Variants in PCNX2 observed in about 807,000 individuals in gnomAD.
The protein encoded by PCNX2 is pecanex 2.
PCNX2 carries 168 observed loss-of-function variants against 223.8 expected under a neutral mutation model. The observed-to-expected ratio is 0.75, with a 90% CI of 0.66 to 0.85. The LOEUF is 0.85. Among genes scored for constraint, PCNX2 ranks in the 40% least tolerant of loss-of-function variants. The pLI, the probability that PCNX2 is intolerant of heterozygous loss-of-function variation, is 0.00. For missense variants in PCNX2, 2,507 were observed against 2,675.5 expected, an observed-to-expected ratio of 0.94 and a Z score of 1.39; for synonymous variants, 1,006 against 1,052.6, an observed-to-expected ratio of 0.96 and a Z score of 0.86.
At chr1:233,203,851 T>C (rs1013811710) in intron 13 of PCNX2, among the ~76,000 whole-genome samples, 9 of 152,056 alleles carry the variant, frequency 5.9e-5, no homozygotes, top group Non-Finnish European at 1.2e-4. Context: ...AACCCATACA[T>C]CACCAACAAG....
intron 15 of PCNX2, among the ~76,000 whole-genome samples, chr1:233,191,431 T>C (rs1361093189): frequency 1.3e-5 from 2 of 152,060 alleles, no homozygotes; most frequent in Non-Finnish European, 2.9e-5. Context: ...CCACAAAGGG[T>C]AAAGTGTGGG....
At chr1:233,206,884 G>A (rs1681500449) in intron 13 of PCNX2, among the ~76,000 whole-genome samples, 1 of 152,058 alleles carries the variant, frequency 6.6e-6, no homozygotes, top group Admixed American at 6.6e-5. Context: ...GGTGGCACAT[G>A]CCTGTAATCC....
chr1:233,042,572 T>C (rs145814495), intron 25 of PCNX2, among the ~76,000 whole-genome samples: 11 of 152,352 alleles, frequency 7.2e-5, no homozygotes, highest in African/African-American at 2.6e-4. Context: ...GAGGGAATTA[T>C]CTTCACACTG....
chr1:233,174,327 G>T (rs931484631), intron 17 of PCNX2, among the ~76,000 whole-genome samples: 5 of 145,662 alleles, frequency 3.4e-5, no homozygotes, highest in South Asian at 2.1e-4. Flanking sequence ...ATTGAATATT[G>T]TTTTAGAAGT....
At chr1:233,204,648 A>G (rs1244509756) in intron 13 of PCNX2, among the ~76,000 whole-genome samples, 5 of 152,228 alleles carry the variant, frequency 3.3e-5, no homozygotes, top group Non-Finnish European at 7.3e-5. Context: ...GTAAGCCACT[A>G]TCTCTTTCCT....
At chr1:233,283,147 G>A (rs895329043) in intron 1 of PCNX2, among the ~76,000 whole-genome samples, 3 of 152,074 alleles carry the variant, frequency 2.0e-5, no homozygotes, top group Non-Finnish European at 2.9e-5. Context: ...TGATATTGTT[G>A]TGAGCTAGAG....
chr1:233,135,257 C>T, intron 20 of PCNX2, 67 bp from the exon 21 acceptor site: 1 of 1,445,584 alleles, frequency 6.9e-7, no homozygotes, highest in East Asian at 2.4e-5. Flanking sequence ...GTTTCATTCG[C>T]TAACAATTCT....
In PCNX2 at chr1:233,295,411, T is replaced by C. The variant is rs1459728102; in HGVS notation, c.68A>G (p.His23Arg). The C allele has an allele frequency of 1.3e-6, 2 of 1,552,970 alleles. No individual in the cohort carries two copies. Among genetic ancestry groups the C allele is most frequent in the Non-Finnish European group, 1.7e-6 (2 of 1,147,896 alleles). Residue 23 changes from histidine to arginine, a missense_variant, in exon 1 of 34, where the codon CAC becomes CGC. His to Arg is a conservative substitution (Grantham distance 29). Around this residue, in one of 3 missense-constraint regions of PCNX2, gnomAD observed 1,031 missense variants for 1,021.7 expected, o/e 1.01. Transcript: ENST00000258229. The surrounding 1 kb of genome is among the most constrained non-coding windows in gnomAD (Gnocchi z 4.1). ...GGTGAACTTGCTCTGCTCCGGGTCGTGGTACCAGCCCCCGGTGAGCGCGGC... is the reference window on the plus strand; with the variant it reads ...GGTGAACTTGCTCTGCTCCGGGTCGCGGTACCAGCCCCCGGTGAGCGCGGC... ...VWAALTGGWY[H>R]DPEQSKFTNS...
Position 233,295,657 on chromosome 1 carries a change from C to G in PCNX2, c.-179G>C. The G allele has an allele frequency of 9.0e-6, 6 of 665,636 alleles. No individual in the cohort carries two copies. The highest frequency in any genetic ancestry group is 1.3e-5 in the Non-Finnish European group (6 of 472,488). The allele number at this position is 665,636 out of a possible 1,614,324, so 41.2% of individuals were successfully genotyped here. On this transcript the variant is annotated 5_prime_UTR_variant, in exon 1 of 34. Coordinates refer to ENST00000258229, the MANE Select transcript of PCNX2 (RefSeq NM_014801.4). The surrounding 1 kb of genome is among the most constrained non-coding windows in gnomAD (Gnocchi z 4.1). The stretch of plus-strand genomic sequence containing the variant: ...TTGAAGCTGGAGCTGCTCTTCCGCC[C>G]GGACCCGCGAACCGCGGCGCCGGAG...
At chr1:233,065,277 C>A (rs1672553323) in intron 23 of PCNX2, among the ~76,000 whole-genome samples, 1 of 152,212 alleles carries the variant, frequency 6.6e-6, no homozygotes, top group Admixed American at 6.5e-5. Flanking sequence ...TGAGGCAATT[C>A]TCTTACCTCC....
chr1:233,179,718 C>T (rs1007404362), intron 15 of PCNX2, among the ~76,000 whole-genome samples: 1 of 152,216 alleles, frequency 6.6e-6, no homozygotes, highest in Non-Finnish European at 1.5e-5. Context: ...AGCCTCCTAT[C>T]AACTATCAGT....
intron 21 of PCNX2, among the ~76,000 whole-genome samples, chr1:233,129,101 C>T (rs2102751897): frequency 6.6e-6 from 1 of 152,354 alleles, no homozygotes; most frequent in African/African-American, 2.4e-5. Flanking sequence ...CCGGCTCCCT[C>T]AGCTTGCCAG....
intron 23 of PCNX2, among the ~76,000 whole-genome samples, chr1:233,062,851 GAACAACTTTGTGCCAATAAATTTGAA>G (rs777522928): frequency 3.8e-4 from 58 of 152,170 alleles, no homozygotes; most frequent in Non-Finnish European, 7.9e-4. Context: ...GCAATACTAT[GAACAACTTTGTGCCAATAAATTTGAA>G]AACATAAATG....
intron 22 of PCNX2, among the ~76,000 whole-genome samples, chr1:233,090,775 AG>A: frequency 6.6e-6 from 1 of 152,308 alleles, no homozygotes; most frequent in East Asian, 1.9e-4. Flanking sequence ...ATGCACATGA[AG>A]TAAGTGTTTT....
upstream of PCNX2, among the ~76,000 whole-genome samples, chr1:233,300,645 T>A (rs1308211011): frequency 6.6e-6 from 1 of 152,196 alleles, no homozygotes; most frequent in Non-Finnish European, 1.5e-5. Flanking sequence ...AAGGTCTCCT[T>A]CAGTACATCC....
intron 19 of PCNX2, among the ~76,000 whole-genome samples, chr1:233,143,588 T>C (rs1382137372): frequency 6.6e-6 from 1 of 152,166 alleles, no homozygotes; most frequent in Non-Finnish European, 1.5e-5. Context: ...ATCTGTGTTT[T>C]GACGAGTCCT....
At chr1:233,096,466 T>C (rs905656974) in intron 21 of PCNX2, among the ~76,000 whole-genome samples, 1 of 152,128 alleles carries the variant, frequency 6.6e-6, no homozygotes, top group African/African-American at 2.4e-5. Flanking sequence ...GAGATGGAGA[T>C]GATGACTGTG....
At chr1:233,008,337 G>A (rs1280237565) in intron 28 of PCNX2, among the ~76,000 whole-genome samples, 6 of 152,202 alleles carry the variant, frequency 3.9e-5, no homozygotes, top group Non-Finnish European at 5.9e-5. Context: ...TAGAGTTCGG[G>A]TGCTACACTG....
chr1:233,133,832 C>G (rs1440380548), intron 21 of PCNX2, among the ~76,000 whole-genome samples: 2 of 152,088 alleles, frequency 1.3e-5, no homozygotes, highest in African/African-American at 4.8e-5. Flanking sequence ...TGCACTCCAG[C>G]CTGTGAGTGG....
Sources: allele counts gnomAD v4.1 joint callset (sites outside exome capture counted in the v4.1 genomes callset), GRCh38; gene constraint gnomAD v4.1.1; regional missense constraint gnomAD v4.1.1; non-coding constraint Gnocchi (gnomAD v3.1); transcripts MANE v1.5; gene names NCBI Gene and HGNC (gene_info 2026-07-23, HGNC 2026-07-21).